The following MCTP1 variants were observed in gnomAD, a reference collection of about 807,000 sequenced individuals.
MCTP1 encodes multiple C2 and transmembrane domain containing 1, also known as multiple C2 and transmembrane domain-containing protein 1.
Under a neutral mutation model 120.6 loss-of-function variants are expected in MCTP1, and 69 were observed. That is an observed-to-expected ratio of 0.57 (90% CI 0.47 to 0.70). MCTP1 has a LOEUF of 0.70. MCTP1 is among the 30% of genes least tolerant of loss of function. MCTP1 has a pLI of 0.00. For missense variants in MCTP1, 1,203 were observed against 1,248.8 expected (o/e 0.96, Z 0.55); for synonymous variants, 529 against 493.1 (o/e 1.07, Z -0.96).
chr5:94,752,131 A>G, intron 19 of MCTP1, among the ~76,000 whole-genome samples: 1 of 101,088 alleles, frequency 9.9e-6, no homozygotes, highest in South Asian at 2.9e-4. Flanking sequence ...ATATATATAT[A>G]TATATATATA....
chr5:94,813,531 T>C (rs1200536789), intron 17 of MCTP1, among the ~76,000 whole-genome samples: 1 of 152,202 alleles, frequency 6.6e-6, no homozygotes, highest in Non-Finnish European at 1.5e-5. Flanking sequence ...GCATTATTCA[T>C]GTTATTCCCT....
At chr5:95,226,594 T>A (rs1754303030) in intron 1 of MCTP1, among the ~76,000 whole-genome samples, 1 of 152,028 alleles carries the variant, frequency 6.6e-6, no homozygotes, top group South Asian at 2.1e-4. Flanking sequence ...AGAACACCTT[T>A]TTTTTTTTAA....
chr5:95,200,171 A>G (rs1750854992), intron 1 of MCTP1, among the ~76,000 whole-genome samples: 1 of 152,060 alleles, frequency 6.6e-6, no homozygotes, highest in Non-Finnish European at 1.5e-5. Flanking sequence ...AAAAAAAAAA[A>G]AAGAAAAAGA....
intron 5 of MCTP1, among the ~76,000 whole-genome samples, chr5:94,933,788 C>G (rs1390569468): frequency 1.3e-5 from 2 of 151,864 alleles, no homozygotes. Context: ...AAAGTCACAT[C>G]CCCTGACTCA....
chr5:94,921,499 C>T (rs1294896746), intron 7 of MCTP1, among the ~76,000 whole-genome samples: 2 of 152,152 alleles, frequency 1.3e-5, no homozygotes, highest in Non-Finnish European at 2.9e-5. Context: ...CTGCTTAACC[C>T]ACAAAGCACA....
At chr5:95,152,014 C>T (rs1454220190) in intron 1 of MCTP1, among the ~76,000 whole-genome samples, 2 of 152,158 alleles carry the variant, frequency 1.3e-5, no homozygotes, top group Non-Finnish European at 2.9e-5. Flanking sequence ...TAATACTTTG[C>T]CATCTATCTT....
intron 1 of MCTP1, among the ~76,000 whole-genome samples, chr5:95,216,413 C>T (rs574548395): frequency 6.6e-6 from 1 of 152,330 alleles, no homozygotes; most frequent in East Asian, 1.9e-4. Context: ...TAAGAAACTA[C>T]TCTATCCTGT....
At chr5:95,037,090 G>T (rs1841468588) in intron 1 of MCTP1, among the ~76,000 whole-genome samples, 1 of 152,180 alleles carries the variant, frequency 6.6e-6, no homozygotes, top group African/African-American at 2.4e-5. Flanking sequence ...GGAGTTTCAT[G>T]GCAGTAAATC....
At chr5:94,832,872 G>A (rs1167993173) in intron 17 of MCTP1, among the ~76,000 whole-genome samples, 1 of 152,034 alleles carries the variant, frequency 6.6e-6, no homozygotes, top group African/African-American at 2.4e-5. Flanking sequence ...TAAAACACGT[G>A]TCATGAGCTG....
intron 17 of MCTP1, among the ~76,000 whole-genome samples, chr5:94,864,876 A>AC (rs1796505715): frequency 6.6e-6 from 1 of 151,824 alleles, no homozygotes; most frequent in South Asian, 2.1e-4. Flanking sequence ...TTCTTCCCCC[A>AC]TGTTGCACCC....
rs1754604475 is a variant in MCTP1 at position 94,706,396 on chromosome 5, C to CA, written c.*1099dup. 1 of 150,174 alleles carries CA rather than the reference C, an allele frequency of 6.7e-6. No individual in the cohort carries two copies. The highest frequency in any genetic ancestry group is 1.5e-5 in the Non-Finnish European group (1 of 67,556). The allele number at this position is 150,174 out of a possible 1,614,324, so 9.3% of individuals were successfully genotyped here. A position where few individuals can be genotyped will look rare whatever the true frequency, so the allele number is the denominator to read the frequency against. ...GATAAAGGCAACCACCACCCCCAAG[C>CA]AGTTTATTTTATTTTACAAAACAGG... On this transcript the variant is annotated 3_prime_UTR_variant, in exon 23 of 23. Transcript: ENST00000515393.
At chr5:95,019,039 A>G (rs1010539034) in intron 1 of MCTP1, among the ~76,000 whole-genome samples, 1 of 152,114 alleles carries the variant, frequency 6.6e-6, no homozygotes, top group African/African-American at 2.4e-5. Context: ...AAACAAAGAT[A>G]GTATTCTATT....
intron 18 of MCTP1, among the ~76,000 whole-genome samples, chr5:94,787,819 G>T (rs113735093): frequency 0.045 from 6,795 of 151,970 alleles, 171 homozygotes; most frequent in African/African-American, 0.059. Flanking sequence ...GGTTTCACTG[G>T]GTTAGCCAGG....
chr5:94,996,451 T>C (rs966767051), intron 2 of MCTP1, among the ~76,000 whole-genome samples: 3 of 152,176 alleles, frequency 2.0e-5, no homozygotes, highest in African/African-American at 4.8e-5. Flanking sequence ...CCATGGGGGA[T>C]TGGCTCTAGG....
At chr5:94,840,691 A>T (rs948856462) in intron 17 of MCTP1, among the ~76,000 whole-genome samples, 1 of 152,198 alleles carries the variant, frequency 6.6e-6, no homozygotes, top group African/African-American at 2.4e-5. Context: ...ATTCAATCTC[A>T]CTGGCCTTAG....
At chr5:95,095,392 T>C (rs933085522) in intron 1 of MCTP1, among the ~76,000 whole-genome samples, 1 of 152,160 alleles carries the variant, frequency 6.6e-6, no homozygotes, top group Non-Finnish European at 1.5e-5. Context: ...GAGGGCATTT[T>C]TTATGGTTTG....
At chr5:94,855,261 CA>C (rs1272526877) in intron 17 of MCTP1, among the ~76,000 whole-genome samples, 2 of 151,774 alleles carry the variant, frequency 1.3e-5, no homozygotes, top group Admixed American at 6.6e-5. Context: ...AAAGTTACAG[CA>C]AATTTGTTTT....
rs1276874935 is a variant in MCTP1 at position 95,211,143 on chromosome 5, A to G, written c.720+72713T>C. Among the ~76,000 whole-genome samples the G allele has an allele frequency of 7.2e-5, 11 of 151,970 alleles. 1 individual carries two copies. The South Asian group carries it at 2.3e-3, about 32-fold the overall frequency. On this transcript the variant is annotated intron_variant, in intron 1 of 22. Coordinates refer to ENST00000515393, the MANE Select transcript of MCTP1 (RefSeq NM_024717.7). ...CATTTCAACTTTGGTGAATCTGACAATTATGTGTCTTGGAGTTGCTCTTCT... is the reference window on the plus strand; with the variant it reads ...CATTTCAACTTTGGTGAATCTGACAGTTATGTGTCTTGGAGTTGCTCTTCT...
chr5:95,259,907 A>G (rs1758309644), intron 1 of MCTP1, among the ~76,000 whole-genome samples: 1 of 152,216 alleles, frequency 6.6e-6, no homozygotes, highest in Non-Finnish European at 1.5e-5. Context: ...TCAGCTGTGT[A>G]CTGTTGTGTT....
Sources: gnomAD v4.1 joint callset for allele counts (sites outside exome capture counted in the v4.1 genomes callset) on GRCh38, gnomAD v4.1.1 for gene constraint, MANE v1.5 for transcripts, NCBI Gene and HGNC (gene_info 2026-07-23, HGNC 2026-07-21) for gene names.